The following DCAF12L1 variants were observed in gnomAD, a reference collection of about 807,000 sequenced individuals.
DCAF12L1 encodes the protein DDB1 and CUL4 associated factor 12 like 1, also known as DDB1- and CUL4-associated factor 12-like protein 1.
For missense variants in DCAF12L1, 251 were observed against 409.2 expected, an observed-to-expected ratio of 0.61 and a Z score of 3.34; for synonymous variants, 218 against 196.4, an observed-to-expected ratio of 1.11 and a Z score of -0.92.
In DCAF12L1 at chrX:126,552,209, G is replaced by C; in HGVS notation, c.400C>G (p.Pro134Ala). ...CTGGCCTCACTGTCCCGCAAGAGGGGAATGCGCGCGATGTGGCCTGACTCC... is the reference window on the plus strand; with the variant it reads ...CTGGCCTCACTGTCCCGCAAGAGGGCAATGCGCGCGATGTGGCCTGACTCC... ...DVESGHIARI[P>A]LLRDSEARLA... is the part of the protein sequence containing the mutation. The change falls in exon 1 of 2, where the codon CCC becomes GCC. Residue 134 changes from proline (P) to alanine (A), a missense_variant. Physicochemically the swap from Pro to Ala is conservative, Grantham distance 27. Coordinates refer to ENST00000371126, the MANE Select transcript of DCAF12L1 (RefSeq NM_178470.5). 8.2e-7 allele frequency: 1 copy of C among 1,212,574 alleles called. No homozygotes were observed. Among genetic ancestry groups the C allele is most frequent in the Non-Finnish European group, 1.1e-6 (1 of 895,653 alleles).
rs941889460 is a variant in DCAF12L1 at position 126,549,959 on chromosome X, T to C, written c.*1171A>G. 8.9e-6 allele frequency: 1 copy of C among 112,385 alleles called. No homozygotes were observed. Among genetic ancestry groups the C allele is most frequent in the Non-Finnish European group, 1.9e-5 (1 of 53,291 alleles). The allele number at this position is 112,385 out of a possible 1,213,427, so 9.3% of individuals were successfully genotyped here. A position where few individuals can be genotyped will look rare whatever the true frequency, so the allele number is the denominator to read the frequency against. On this transcript the variant is annotated 3_prime_UTR_variant, in exon 2 of 2. Transcript: ENST00000371126. ...TTTTCTTCAACCTCATCCTATTTAT[T>C]TTAAATCTCACCTATCTTGAAACGA...
Position 126,552,303 on chromosome X carries a change from C to G in DCAF12L1, c.306G>C (p.Ala102=), listed in dbSNP as rs747060032. 8.3e-6 allele frequency: 10 copies of G among 1,211,138 alleles called. No homozygotes were observed. Among genetic ancestry groups the G allele is most frequent in the South Asian group, 7.0e-5 (4 of 56,945 alleles). ...LELGTVNKVF[A]SQWLNSRQVV... is the part of the protein sequence containing the mutation. ...CCTGCCTGGAGTTCAGCCACTGTGACGCGAACACCTTGTTGACCGTGCCCA... is the reference window on the plus strand; with the variant it reads ...CCTGCCTGGAGTTCAGCCACTGTGAGGCGAACACCTTGTTGACCGTGCCCA... Residue 102 remains alanine (A), a synonymous_variant, in exon 1 of 2, where the codon GCG becomes GCC. Coordinates refer to ENST00000371126, the MANE Select transcript of DCAF12L1 (RefSeq NM_178470.5).
In DCAF12L1 at chrX:126,551,658, A is replaced by G; in HGVS notation, c.951T>C (p.Asp317=). ...GGGAGCCCACGGCGTACACAGACATATCATCACAGTAGGTCAGGCACACAT... is the reference window on the plus strand; with the variant it reads ...GGGAGCCCACGGCGTACACAGACATGTCATCACAGTAGGTCAGGCACACAT... The part of the protein sequence containing the change: ...RDNVCLTYCD[D]MSVYAVGSHS... Residue 317 remains aspartate, a synonymous_variant, in exon 1 of 2, where the codon GAT becomes GAC. Transcript: ENST00000371126. 1 of 1,211,910 alleles carries G rather than the reference A, an allele frequency of 8.3e-7. No individual in the cohort carries two copies. The highest frequency in any genetic ancestry group is 1.8e-5 in the South Asian group (1 of 57,036).
In DCAF12L1 at chrX:126,551,417, C is replaced by A; in HGVS notation, c.1192G>T (p.Ala398Ser). The A allele has an allele frequency of 8.3e-7, 1 of 1,211,955 alleles. No individual in the cohort carries two copies. Among genetic ancestry groups the A allele is most frequent in the Non-Finnish European group, 1.1e-6 (1 of 895,580 alleles). Reference protein sequence around the residue: ...SATLESSSGPARRKLRLACGR... With the variant: ...SATLESSSGPSRRKLRLACGR... ...CAGGCAAGCCTGAGCTTCCTCCTTG[C>A]AGGTCCCGAAGAGGACTCCAGGGTG... is the stretch of plus-strand genomic sequence containing the variant. The change falls in exon 1 of 2, where the codon GCA becomes TCA. Residue 398 changes from alanine (A) to serine (S), a missense_variant. By Grantham distance (99) the Ala-to-Ser change is moderately conservative. Transcript: ENST00000371126.
rs1473529068 is a variant in DCAF12L1 at position 126,552,519 on chromosome X, T to A, written c.90A>T (p.Ala30=). The change falls in exon 1 of 2, where the codon GCA becomes GCT. Residue 30 remains alanine (A), a synonymous_variant. Coordinates refer to ENST00000371126, the MANE Select transcript of DCAF12L1 (RefSeq NM_178470.5). ...GTAGCAGCGGCCCCTCACCGTCCGCTGCCGCCAAGCCCTGCGACGGCGAGC... is the reference window on the plus strand; with the variant it reads ...GTAGCAGCGGCCCCTCACCGTCCGCAGCCGCCAAGCCCTGCGACGGCGAGC... ...AESSPSQGLA[A]ADGEGPLLLK... The A allele has an allele frequency of 1.7e-6, 2 of 1,208,019 alleles. No individual in the cohort carries two copies. Among genetic ancestry groups the A allele is most frequent in the African/African-American group, 3.5e-5 (2 of 57,420 alleles).
Position 126,551,834 on chromosome X carries a change from T to C in DCAF12L1, c.775A>G (p.Asn259Asp). The C allele has an allele frequency of 8.2e-7, 1 of 1,212,222 alleles. No individual in the cohort carries two copies. Among genetic ancestry groups the C allele is most frequent in the Non-Finnish European group, 1.1e-6 (1 of 895,602 alleles). ...DVEAIPRAII[N>D]PSNRKVRALA... The stretch of plus-strand genomic sequence containing the variant: ...GCCCGCACCTTGCGGTTACTGGGGT[T>C]GATGATGGCCCTGGGGATGGCCTCC... The change falls in exon 1 of 2, where the codon AAC (asparagine) becomes GAC (aspartate). Residue 259 changes from asparagine (N) to aspartate (D), a missense_variant. Asn to Asp is a conservative substitution (Grantham distance 23). Transcript: ENST00000371126.
chrX:126,552,060 A>G lies in DCAF12L1; in HGVS notation c.549T>C (p.Asp183=), dbSNP rs139822084. 1.3e-3 allele frequency: 1,601 copies of G among 1,211,050 alleles called. 13 individuals carry two copies. In the African/African-American group the frequency reaches 0.024, roughly 18 times the overall value. Residue 183 remains aspartate, a synonymous_variant, in exon 1 of 2, where the codon GAT becomes GAC. Coordinates refer to ENST00000371126, the MANE Select transcript of DCAF12L1 (RefSeq NM_178470.5). ...CATGGCGGTCGCCCAGGCACAGGGG[A>G]TCCAGGGAGGGCAGCTGGTAGATGG... ...SLAIYQLPSL[D]PLCLGDRHGH...
At position 126,552,360 on chromosome X, in the gene DCAF12L1, C is replaced by A; in HGVS notation, c.249G>T (p.Leu83=). The A allele has an allele frequency of 8.3e-7, 1 of 1,212,030 alleles. No individual in the cohort carries two copies. ...GELRGYAVQR[L]PELLTERQLE... ...GTTGGCGCTCCGTCAGCAGCTCGGG[C>A]AGCCTCTGTACCGCGTAGCCCCGCA... The change falls in exon 1 of 2, where the codon CTG becomes CTT. Residue 83 remains leucine (L), a synonymous_variant. Transcript: ENST00000371126.
At position 126,551,650 on chromosome X, in the gene DCAF12L1, A is replaced by C. The variant is rs1277190934; in HGVS notation, c.959T>G (p.Val320Gly). The change falls in exon 1 of 2, where the codon GTG (valine) becomes GGG (glycine). Residue 320 changes from valine to glycine, a missense_variant. Val to Gly is a moderately radical substitution (Grantham distance 109). Transcript: ENST00000371126. ...GTGGGAATGGGAGCCCACGGCGTACACAGACATATCATCACAGTAGGTCAG... is the reference window on the plus strand; with the variant it reads ...GTGGGAATGGGAGCCCACGGCGTACCCAGACATATCATCACAGTAGGTCAG... ...VCLTYCDDMS[V>G]YAVGSHSHVS... The C allele has an allele frequency of 2.5e-6, 3 of 1,211,923 alleles. No homozygotes were observed. The highest frequency in any genetic ancestry group is 3.3e-6 in the Non-Finnish European group (3 of 895,594).
Position 126,551,700 on chromosome X carries a change from C to T in DCAF12L1, c.909G>A (p.Leu303=), listed in dbSNP as rs1254199612. Residue 303 remains leucine (L), a synonymous_variant, in exon 1 of 2, where the codon CTG becomes CTA. Transcript: ENST00000371126. Reference sequence around the variant, plus strand: ...GGCACACATTATCCCGGAAGTAGGGCAGCCTGATGGACAGCAGCCTGGATA... The same window carrying T: ...GGCACACATTATCCCGGAAGTAGGGTAGCCTGATGGACAGCAGCCTGGATA... ...SALSRLLSIR[L]PYFRDNVCLT... is the part of the protein sequence containing the mutation. 2 of 1,212,154 alleles carry T rather than the reference C, an allele frequency of 1.6e-6. No homozygotes were observed. The highest frequency in any genetic ancestry group is 1.1e-6 in the Non-Finnish European group (1 of 895,644).
chrX:126,552,167 G>C lies in DCAF12L1; in HGVS notation c.442C>G (p.Gln148Glu). Residue 148 changes from glutamine to glutamate, a missense_variant, in exon 1 of 2, where the codon CAG becomes GAG. Gln to Glu is a conservative substitution (Grantham distance 29). Coordinates refer to ENST00000371126, the MANE Select transcript of DCAF12L1 (RefSeq NM_178470.5). ...DSEARLAQDQ[Q>E]GCGIHAIELN... ...TCGATGGCATGGATGCCGCAGCCCT[G>C]TTGGTCCTGGGCCAGCCTGGCCTCA... 1 of 1,212,703 alleles carries C rather than the reference G, an allele frequency of 8.2e-7. No individual in the cohort carries two copies. Among genetic ancestry groups the C allele is most frequent in the Non-Finnish European group, 1.1e-6 (1 of 895,700 alleles).
At position 126,552,212 on chromosome X, in the gene DCAF12L1, T is replaced by C; in HGVS notation, c.397A>G (p.Ile133Val). The change falls in exon 1 of 2, where the codon ATT becomes GTT. Residue 133 changes from isoleucine (I) to valine (V), a missense_variant. Ile to Val is a conservative substitution (Grantham distance 29, BLOSUM62 3). Coordinates refer to ENST00000371126, the MANE Select transcript of DCAF12L1 (RefSeq NM_178470.5). ...VDVESGHIAR[I>V]PLLRDSEARL... The stretch of plus-strand genomic sequence containing the variant: ...GCCTCACTGTCCCGCAAGAGGGGAA[T>C]GCGCGCGATGTGGCCTGACTCCACG... 12 of 1,212,390 alleles carry C rather than the reference T, an allele frequency of 9.9e-6. No homozygotes were observed. The highest frequency in any genetic ancestry group is 2.3e-4 in the Middle Eastern group (1 of 4,354).
rs1927455025 is a variant in DCAF12L1, at chrX:126,551,258, G to A, written c.1351C>T (p.Pro451Ser). 8.3e-7 allele frequency: 1 copy of A among 1,209,473 alleles called. No individual in the cohort carries two copies. The highest frequency in any genetic ancestry group is 1.1e-6 in the Non-Finnish European group (1 of 895,089). ...GCATAGTTCCCATGGAGGCCTGCAG[G>A]GAGAGGCCCCCCAGCCACAAAGAGC... ...MKLFVAGGPL[P>S]AGLHGNYAGL... is the part of the protein sequence containing the mutation. The change falls in exon 1 of 2, where the codon CCT (proline) becomes TCT (serine). Residue 451 changes from proline (P) to serine (S), a missense_variant. By Grantham distance (74) the Pro-to-Ser change is moderately conservative. Transcript: ENST00000371126.
rs760536997 is a variant in DCAF12L1 at position 126,549,922 on chromosome X, G to A, written c.*1208C>T. 2 of 111,971 alleles carry A rather than the reference G, an allele frequency of 1.8e-5. No homozygotes were observed. The highest frequency in any genetic ancestry group is 3.2e-5 in the African/African-American group (1 of 30,872). The allele number at this position is 111,971 out of a possible 1,213,427, so 9.2% of individuals were successfully genotyped here. ...CAGTCCACAATTTATATTTATCTGCGCTCCAATATACTTTTCTTCAACCTC... is the reference window on the plus strand; with the variant it reads ...CAGTCCACAATTTATATTTATCTGCACTCCAATATACTTTTCTTCAACCTC... On this transcript the variant is annotated 3_prime_UTR_variant, in exon 2 of 2. Transcript: ENST00000371126.
chrX:126,552,228 T>C lies in DCAF12L1; in HGVS notation c.381A>G (p.Ser127=). ...AGAGGGGAATGCGCGCGATGTGGCC[T>C]GACTCCACGTCCACCACGAAAAGCG... ...CNTLFVVDVE[S]GHIARIPLLR... is the part of the protein sequence containing the mutation. The change falls in exon 1 of 2, where the codon TCA becomes TCG. Residue 127 remains serine, a synonymous_variant. Transcript: ENST00000371126. The C allele has an allele frequency of 2.5e-6, 3 of 1,212,570 alleles. No homozygotes were observed. The highest frequency in any genetic ancestry group is 3.3e-6 in the Non-Finnish European group (3 of 895,667).
In DCAF12L1 at chrX:126,552,778, G is replaced by A. The variant is rs1181064505; in HGVS notation, c.-170C>T. On this transcript the variant is annotated 5_prime_UTR_variant, in exon 1 of 2. Coordinates refer to ENST00000371126, the MANE Select transcript of DCAF12L1 (RefSeq NM_178470.5). ...GGGACGCGCGGGAGAGGGCGGCGGT[G>A]GCGGTGCAGACCTAGGCGAAGGCGG... The A allele has an allele frequency of 1.3e-5, 11 of 832,929 alleles. No homozygotes were observed. In the East Asian group the frequency reaches 1.9e-4, roughly 14 times the overall value. The allele number at this position is 832,929 out of a possible 1,213,427, so 68.6% of individuals were successfully genotyped here.
rs1171099271 is a variant in DCAF12L1 at position 126,550,963 on chromosome X, C to T, written c.*167G>A. 6 of 335,831 alleles carry T rather than the reference C, an allele frequency of 1.8e-5. No homozygotes were observed. The highest frequency in any genetic ancestry group is 3.1e-5 in the Non-Finnish European group (6 of 195,703). The allele number at this position is 335,831 out of a possible 1,213,427, so 27.7% of individuals were successfully genotyped here. On this transcript the variant is annotated 3_prime_UTR_variant, in exon 2 of 2. Transcript: ENST00000371126. ...AAGAGAGAATGCAACTAAAGATTAA[C>T]GATTAACCAAATTTCTTTGTATGAA...
rs753090078 is a variant in DCAF12L1 at position 126,552,403 on chromosome X, T to G, written c.206A>C (p.Gln69Pro). Residue 69 changes from glutamine to proline, a missense_variant, in exon 1 of 2, where the codon CAG becomes CCG. Transcript: ENST00000371126. ...EVGGWGPARL[Q>P]GFDGELRGYA... ...GCCCCGCAGCTCGCCATCGAAGCCC[T>G]GGAGCCTGGCGGGGCCCCACCCGCC... 1 of 1,211,133 alleles carries G rather than the reference T, an allele frequency of 8.3e-7. No individual in the cohort carries two copies. Among genetic ancestry groups the G allele is most frequent in the Non-Finnish European group, 1.1e-6 (1 of 895,357 alleles).
Position 126,552,449 on chromosome X carries a change from A to G in DCAF12L1, c.160T>C (p.Tyr54His), listed in dbSNP as rs769646298. 95 of 1,209,552 alleles carry G rather than the reference A, an allele frequency of 7.9e-5. No individual in the cohort carries two copies. The South Asian group carries it at 1.6e-3, about 20-fold the overall frequency. Residue 54 changes from tyrosine (Y) to histidine (H), a missense_variant, in exon 1 of 2, where the codon TAT becomes CAT. By Grantham distance (83) the Tyr-to-His change is moderately conservative (BLOSUM62 2). Transcript: ENST00000371126. The stretch of plus-strand genomic sequence containing the variant: ...CCGCCTACCTCCCGAACCTTCAGAT[A>G]GTGCGCCATCGAGCGATACGTCGCC... ...RPATYRSMAH[Y>H]LKVREVGGWG...
Sources: gnomAD v4.1 joint callset for allele counts on GRCh38, gnomAD v4.1.1 for gene constraint, MANE v1.5 for transcripts, NCBI Gene and HGNC (gene_info 2026-07-23, HGNC 2026-07-21) for gene names.